Variants in ARHGEF38 observed in about 807,000 individuals in gnomAD.
ARHGEF38 encodes the protein Rho guanine nucleotide exchange factor 38.
ARHGEF38 carries 79 observed loss-of-function variants against 79.9 expected under a neutral mutation model. The observed-to-expected ratio is 0.99, with a 90% CI of 0.82 to 1.19. The LOEUF (loss-of-function observed/expected upper bound fraction) is 1.19, where lower values mean the gene tolerates loss of function less well. Ranked by LOEUF, ARHGEF38 falls within the 50% of genes most tolerant of loss-of-function variation. The probability of loss-of-function intolerance (pLI) is 0.00; values close to 1 mark genes in which losing one functional copy is unlikely to be tolerated. For synonymous variants in ARHGEF38, 366 were observed against 328.3 expected (o/e 1.11, Z -1.24); for missense variants, 962 against 907.2 (o/e 1.06, Z -0.78).
At chr4:105,581,799 GC>G (rs772065191) in intron 1 of ARHGEF38, among the ~76,000 whole-genome samples, 1 of 151,820 alleles carries the variant, frequency 6.6e-6, no homozygotes, top group Non-Finnish European at 1.5e-5. Flanking sequence ...ATATAATTAT[GC>G]TATCAATTTT....
chr4:105,657,964 A>G (rs1242232354), intron 9 of ARHGEF38, among the ~76,000 whole-genome samples: 4 of 152,182 alleles, frequency 2.6e-5, no homozygotes, highest in Admixed American at 6.5e-5. Context: ...ATAAGCATAT[A>G]TGATAAAGGG....
intron 5 of ARHGEF38, among the ~76,000 whole-genome samples, chr4:105,641,773 T>G (rs1729628514): frequency 6.6e-6 from 1 of 152,142 alleles, no homozygotes; most frequent in Non-Finnish European, 1.5e-5. Flanking sequence ...AAAAATCATT[T>G]TAATTTTCAT....
chr4:105,612,541 G>A (rs948394301), intron 2 of ARHGEF38, among the ~76,000 whole-genome samples: 1 of 152,052 alleles, frequency 6.6e-6, no homozygotes, highest in African/African-American at 2.4e-5. Flanking sequence ...TACGGCTGTG[G>A]CCTGACCAGT....
intron 13 of ARHGEF38, among the ~76,000 whole-genome samples, chr4:105,671,542 C>G (rs914354040): frequency 2.6e-5 from 4 of 152,112 alleles, no homozygotes; most frequent in Non-Finnish European, 4.4e-5. Context: ...AATCCTTGCC[C>G]CAGGGCCGAT....
At chr4:105,567,935 C>G (rs1285068637) in intron 1 of ARHGEF38, among the ~76,000 whole-genome samples, 1 of 129,442 alleles carries the variant, frequency 7.7e-6, no homozygotes, top group African/African-American at 2.8e-5. Flanking sequence ...TCCCCCCCTC[C>G]CCCCACCCCA....
intron 4 of ARHGEF38, 65 bp from the exon 5 acceptor site, chr4:105,636,338 A>C (rs1406285128): frequency 3.7e-6 from 1 of 270,008 alleles, no homozygotes; most frequent in African/African-American, 2.2e-5. Flanking sequence ...AGGATTTATA[A>C]TGTTTGTATA....
intron 4 of ARHGEF38, among the ~76,000 whole-genome samples, chr4:105,634,323 T>C (rs1251334078): frequency 6.6e-6 from 1 of 152,148 alleles, no homozygotes; most frequent in Non-Finnish European, 1.5e-5. Flanking sequence ...AAGAAAAGAT[T>C]CTAAGGCTCT....
chr4:105,575,248 G>T (rs1726442062), intron 1 of ARHGEF38, among the ~76,000 whole-genome samples: 1 of 152,062 alleles, frequency 6.6e-6, no homozygotes, highest in Non-Finnish European at 1.5e-5. Context: ...TTTCATAGAG[G>T]TTGTACTCAT....
intron 6 of ARHGEF38, among the ~76,000 whole-genome samples, chr4:105,646,846 G>T (rs1366413603): frequency 6.6e-6 from 1 of 151,218 alleles, no homozygotes; most frequent in African/African-American, 2.4e-5. Flanking sequence ...TTTTTTTAAA[G>T]TAAATTTGCA....
At chr4:105,574,464 C>T (rs1469455267) in intron 1 of ARHGEF38, among the ~76,000 whole-genome samples, 1 of 150,914 alleles carries the variant, frequency 6.6e-6, no homozygotes, top group African/African-American at 2.4e-5. Flanking sequence ...GCAGGAAAAT[C>T]GCTTGACCCC....
intron 3 of ARHGEF38, among the ~76,000 whole-genome samples, chr4:105,623,387 G>T (rs1728819044): frequency 1.3e-5 from 2 of 152,162 alleles, no homozygotes; most frequent in Admixed American, 1.3e-4. Context: ...AGAGCAACTA[G>T]CTACAGCAGA....
intron 1 of ARHGEF38, among the ~76,000 whole-genome samples, chr4:105,579,490 A>C (rs766833155): frequency 1.3e-5 from 2 of 152,150 alleles, no homozygotes; most frequent in Non-Finnish European, 1.5e-5. Context: ...TCAGATGATC[A>C]TGTGGTTTTT....
chr4:105,649,341 A>G (rs73837088), intron 7 of ARHGEF38, among the ~76,000 whole-genome samples: 4,121 of 152,272 alleles, frequency 0.027, 182 homozygotes, highest in African/African-American at 0.091. Context: ...AGAATTACCT[A>G]AAAAGCTTGC....
chr4:105,611,844 T>C (rs1012522088), intron 2 of ARHGEF38, among the ~76,000 whole-genome samples: 7 of 152,056 alleles, frequency 4.6e-5, no homozygotes, highest in South Asian at 2.1e-4. Flanking sequence ...TTAAAAGTTG[T>C]CTAATCCTAT....
chr4:105,604,195 T>C lies in ARHGEF38; in HGVS notation c.385-9189T>C, dbSNP rs531128164. 9.2e-5 allele frequency among the ~76,000 whole-genome samples: 14 copies of C among 152,228 alleles called. No homozygotes were observed. In the South Asian group the frequency reaches 2.7e-3, roughly 29 times the overall value. On this transcript the variant is annotated intron_variant, in intron 2 of 13. Coordinates refer to ENST00000420470, the MANE Select transcript of ARHGEF38 (RefSeq NM_001242729.2). ...TCATGTGTGTGGGGAAGGGAAACCA[T>C]TGGAAATTTAAACAGTAATGCTTAA...
chr4:105,565,866 A>G (rs115678897), intron 1 of ARHGEF38, among the ~76,000 whole-genome samples: 97 of 152,242 alleles, frequency 6.4e-4, no homozygotes, highest in African/African-American at 2.3e-3. Flanking sequence ...TACCCTCTGC[A>G]TTGATTACTC....
At chr4:105,595,833 T>C (rs1404594793) in intron 2 of ARHGEF38, among the ~76,000 whole-genome samples, 2 of 152,038 alleles carry the variant, frequency 1.3e-5, no homozygotes, top group Non-Finnish European at 2.9e-5. Context: ...AGAAAGAGAG[T>C]CTGTTCAATA....
chr4:105,584,196 G>A (rs75397109), intron 1 of ARHGEF38, among the ~76,000 whole-genome samples: 10,148 of 152,234 alleles, frequency 0.067, 644 homozygotes, highest in East Asian at 0.31. Context: ...ATATGTATAT[G>A]AGCTTGTTAC....
At position 105,659,351 on chromosome 4, in the gene ARHGEF38, T is replaced by A; in HGVS notation, c.1531T>A (p.Ser511Thr). 1.3e-6 allele frequency: 2 copies of A among 1,534,600 alleles called. No homozygotes were observed. Among genetic ancestry groups the A allele is most frequent in the Non-Finnish European group, 1.7e-6 (2 of 1,146,498 alleles). Residue 511 changes from serine (S) to threonine (T), a missense_variant, in exon 10 of 14, where the codon TCC becomes ACC. By Grantham distance (58) the Ser-to-Thr change is moderately conservative. Coordinates refer to ENST00000420470, the MANE Select transcript of ARHGEF38 (RefSeq NM_001242729.2). ...GATGCTCGTGGCACAGCAGGCTTACTCCACACTTGTGCCGGTAAGCACAGC... is the reference window on the plus strand; with the variant it reads ...GATGCTCGTGGCACAGCAGGCTTACACCACACTTGTGCCGGTAAGCACAGC... Reference protein sequence around the residue: ...DLMLVAQQAYSTLVPMPLLVS... With the variant: ...DLMLVAQQAYTTLVPMPLLVS...
Sources: gnomAD v4.1 joint callset for allele counts (sites outside exome capture counted in the v4.1 genomes callset) on GRCh38, gnomAD v4.1.1 for gene constraint, MANE v1.5 for transcripts, NCBI Gene and HGNC (gene_info 2026-07-23, HGNC 2026-07-21) for gene names.